Variants in CABLES1 observed in about 807,000 individuals in gnomAD.
CABLES1 encodes CDK5 and ABL1 enzyme substrate 1.
In CABLES1, 36 loss-of-function variants were observed where a neutral mutation model predicts 57.8. The observed-to-expected ratio is 0.62, with a 90% CI of 0.48 to 0.82. The LOEUF (loss-of-function observed/expected upper bound fraction) is 0.82. CABLES1 is among the 40% of genes least tolerant of loss of function. The pLI, the probability that CABLES1 is intolerant of heterozygous loss-of-function variation, is 0.00. For synonymous variants in CABLES1, 374 were observed against 363.0 expected, an observed-to-expected ratio of 1.03 and a Z score of -0.35; for missense variants, 767 against 836.6, an observed-to-expected ratio of 0.92 and a Z score of 1.03.
chr18:23,162,228 T>G (rs1030385913), intron 1 of CABLES1, among the ~76,000 whole-genome samples: 2 of 152,128 alleles, frequency 1.3e-5, no homozygotes, highest in Admixed American at 6.5e-5. Flanking sequence ...CTTTTTCACA[T>G]AAGGCATAAA....
At chr18:23,138,018 A>C (rs2046834542) in intron 1 of CABLES1, among the ~76,000 whole-genome samples, 1 of 152,218 alleles carries the variant, frequency 6.6e-6, no homozygotes, top group African/African-American at 2.4e-5. Flanking sequence ...GTTTCTGGGC[A>C]GCTCAGTATT....
intron 3 of CABLES1, among the ~76,000 whole-genome samples, chr18:23,212,016 G>T (rs577124035): frequency 2.0e-5 from 3 of 152,342 alleles, no homozygotes; most frequent in African/African-American, 7.2e-5. Flanking sequence ...CGGGCCCGTG[G>T]TATCTGATGA....
chr18:23,232,794 T>G (rs747834524), intron 4 of CABLES1, among the ~76,000 whole-genome samples: 3 of 152,122 alleles, frequency 2.0e-5, no homozygotes, highest in Non-Finnish European at 4.4e-5. Context: ...CTCCACATTA[T>G]GGGTAGGATA....
intron 4 of CABLES1, among the ~76,000 whole-genome samples, chr18:23,223,904 C>T (rs1161365825): frequency 6.6e-6 from 1 of 152,008 alleles, no homozygotes; most frequent in East Asian, 1.9e-4. Flanking sequence ...CTGTTGATCC[C>T]AGAGTCCCAC....
chr18:23,204,698 C>T (rs1488535096), intron 3 of CABLES1: 1 of 152,356 alleles, frequency 6.6e-6, no homozygotes, highest in Non-Finnish European at 1.5e-5. Context: ...ATTCACGGTT[C>T]CATACGGCTG....
At chr18:23,220,580 C>T (rs968981636) in intron 4 of CABLES1, among the ~76,000 whole-genome samples, 1 of 152,112 alleles carries the variant, frequency 6.6e-6, no homozygotes, top group Non-Finnish European at 1.5e-5. Context: ...TTCATGATCG[C>T]GCCTTTGGGG....
chr18:23,146,872 C>T (rs553799435), intron 1 of CABLES1, among the ~76,000 whole-genome samples: 1 of 152,262 alleles, frequency 6.6e-6, no homozygotes, highest in South Asian at 2.1e-4. Context: ...AAAGAATCAA[C>T]TAAGTACTGT....
intron 1 of CABLES1, among the ~76,000 whole-genome samples, chr18:23,175,897 T>C (rs1049139485): frequency 6.6e-6 from 1 of 152,216 alleles, no homozygotes; most frequent in Non-Finnish European, 1.5e-5. Flanking sequence ...GACATAGTTA[T>C]TTGTCCTCAA....
At chr18:23,250,252 G>C (rs2048004774) in intron 7 of CABLES1, among the ~76,000 whole-genome samples, 1 of 152,230 alleles carries the variant, frequency 6.6e-6, no homozygotes, top group Non-Finnish European at 1.5e-5. Context: ...CTTTACTTGA[G>C]CCTGCTCACA....
chr18:23,246,633 C>T (rs186193988), intron 7 of CABLES1, among the ~76,000 whole-genome samples: 2,030 of 151,578 alleles, frequency 0.013, 37 homozygotes, highest in Middle Eastern at 0.031. Flanking sequence ...CCTTGTGATC[C>T]GCCCACCTTG....
At chr18:23,254,386 C>A (rs1017176512) in intron 9 of CABLES1, among the ~76,000 whole-genome samples, 4 of 152,208 alleles carry the variant, frequency 2.6e-5, no homozygotes, top group Non-Finnish European at 4.4e-5. Flanking sequence ...AAAGGAGAGC[C>A]CTAGCAAAGC....
intron 9 of CABLES1, among the ~76,000 whole-genome samples, chr18:23,254,873 G>C (rs532612954): frequency 7.2e-5 from 11 of 152,302 alleles, no homozygotes; most frequent in African/African-American, 2.4e-4. Context: ...ATACGAATTT[G>C]GGGGGACACA....
At chr18:23,207,516 T>G (rs2047372812) in intron 3 of CABLES1, among the ~76,000 whole-genome samples, 2 of 152,292 alleles carry the variant, frequency 1.3e-5, no homozygotes, top group Admixed American at 1.3e-4. Context: ...TTATTCTTCC[T>G]GTGTGTTCAG....
At chr18:23,168,904 AATAGG>A (rs1437460095) in intron 1 of CABLES1, among the ~76,000 whole-genome samples, 1 of 152,184 alleles carries the variant, frequency 6.6e-6, no homozygotes, top group Non-Finnish European at 1.5e-5. Flanking sequence ...CTCCTTCTTA[AATAGG>A]AGCTGGGTAA....
chr18:23,224,924 G>A (rs2047517239), intron 4 of CABLES1, among the ~76,000 whole-genome samples: 1 of 152,076 alleles, frequency 6.6e-6, no homozygotes, highest in Admixed American at 6.5e-5. Flanking sequence ...CTGGAGTGCA[G>A]TAGTGCAATC....
rs1266014162 is a variant in CABLES1, at chr18:23,136,135, C to T, written c.373C>T (p.Pro125Ser). Residue 125 changes from proline to serine, a missense_variant, in exon 1 of 10, where the codon CCG (proline) becomes TCG (serine). Pro to Ser is a moderately conservative substitution (Grantham distance 74). Around this residue, in one of 4 missense-constraint regions of CABLES1, gnomAD observed 529 missense variants for 622.8 expected, o/e 0.85. Coordinates refer to ENST00000256925, the MANE Select transcript of CABLES1 (RefSeq NM_001100619.3). The stretch of plus-strand genomic sequence containing the variant: ...GGGCGGCTGCATCGCGCTCGCCGCG[C>T]CGGGCACGCCGGCTGCGGGGTTAGC... ...ERGGCIALAA[P>S]GTPAAGLAAG... 4 of 1,201,096 alleles carry T rather than the reference C, an allele frequency of 3.3e-6. No homozygotes were observed. In the African/African-American group the frequency reaches 6.4e-5, roughly 19 times the overall value. The allele number at this position is 1,201,096 out of a possible 1,614,324, so 74.4% of individuals were successfully genotyped here.
chr18:23,193,922 T>C lies in CABLES1; in HGVS notation c.918-526T>C, dbSNP rs1169592991. Reference sequence around the variant, plus strand: ...ACTAGTTGGGTCTCTGATTTCTCATTCAGTGTAAAGCTGTGACCTCCCAGG... The same window carrying C: ...ACTAGTTGGGTCTCTGATTTCTCATCCAGTGTAAAGCTGTGACCTCCCAGG... On this transcript the variant is annotated intron_variant, in intron 2 of 9. Transcript: ENST00000256925. Among the ~76,000 whole-genome samples the C allele has an allele frequency of 2.0e-5, 3 of 152,338 alleles. No homozygotes were observed. The East Asian group carries it at 5.8e-4, about 29-fold the overall frequency.
intron 1 of CABLES1, among the ~76,000 whole-genome samples, chr18:23,167,116 T>TCA (rs1398408401): frequency 6.6e-6 from 1 of 152,224 alleles, no homozygotes; most frequent in Non-Finnish European, 1.5e-5. Flanking sequence ...CTCAAGATCA[T>TCA]CATCAGCGGA....
intron 4 of CABLES1, among the ~76,000 whole-genome samples, chr18:23,221,245 T>C (rs1465186781): frequency 6.6e-6 from 1 of 152,252 alleles, no homozygotes; most frequent in African/African-American, 2.4e-5. Flanking sequence ...TCTAAACTGC[T>C]CATAAAATAT....
Sources: gnomAD v4.1 joint callset for allele counts (sites outside exome capture counted in the v4.1 genomes callset) on GRCh38, gnomAD v4.1.1 for gene constraint, gnomAD v4.1.1 regional missense constraint, MANE v1.5 for transcripts, NCBI Gene and HGNC (gene_info 2026-07-23, HGNC 2026-07-21) for gene names.